The following ATRN variants were observed in gnomAD, a reference collection of about 807,000 sequenced individuals.
The protein encoded by ATRN is attractin.
Under a neutral mutation model 178.7 loss-of-function variants are expected in ATRN, and 54 were observed. The ratio of observed to expected loss-of-function variants is 0.30; its 90% CI spans 0.24 to 0.38. The LOEUF (loss-of-function observed/expected upper bound fraction) is 0.38. Ranked by LOEUF, ATRN falls within the 10% of genes least tolerant of loss-of-function variation. The pLI is 1.00. For synonymous variants in ATRN, 636 were observed against 663.0 expected, an observed-to-expected ratio of 0.96 and a Z score of 0.63; for missense variants, 1,443 against 1,815.1, an observed-to-expected ratio of 0.79 and a Z score of 3.73.
chr20:3,571,179 G>C (rs749446748), intron 11 of ATRN, among the ~76,000 whole-genome samples: 5 of 152,152 alleles, frequency 3.3e-5, no homozygotes, highest in Non-Finnish European at 7.3e-5. Flanking sequence ...GACATTTGGG[G>C]CTGTTTGAGT....
intron 28 of ATRN, among the ~76,000 whole-genome samples, chr20:3,644,608 C>T (rs1365809240): frequency 2.0e-5 from 3 of 152,148 alleles, no homozygotes; most frequent in African/African-American, 7.2e-5. Flanking sequence ...GTCTCTTTTG[C>T]CCTGTCCTGC....
At chr20:3,486,873 G>A (rs1242722350) in intron 1 of ATRN, among the ~76,000 whole-genome samples, 3 of 152,166 alleles carry the variant, frequency 2.0e-5, no homozygotes, top group Admixed American at 2.0e-4. Flanking sequence ...TCATTTCTGG[G>A]AAATTCTCAG....
Position 3,561,239 on chromosome 20 carries a change from C to T in ATRN, c.1447+334C>T, listed in dbSNP as rs1409390619. 2.0e-5 allele frequency among the ~76,000 whole-genome samples: 3 copies of T among 152,304 alleles called. No individual in the cohort carries two copies. In the East Asian group the frequency reaches 5.8e-4, roughly 29 times the overall value. On this transcript the variant is annotated intron_variant, in intron 8 of 28. Transcript: ENST00000262919. ...TCAGGAGGCTGAGGCAGGAGAATCG[C>T]TTGAACCCGGGAGGTGGAGGTTGCA...
intron 1 of ATRN, among the ~76,000 whole-genome samples, chr20:3,526,563 T>A (rs960888651): frequency 6.6e-6 from 1 of 152,210 alleles, no homozygotes; most frequent in African/African-American, 2.4e-5. Context: ...ATTGACTTTC[T>A]TCACAGAATT....
At chr20:3,639,472 C>G (rs968459602) in intron 27 of ATRN, among the ~76,000 whole-genome samples, 6 of 152,014 alleles carry the variant, frequency 3.9e-5, no homozygotes, top group African/African-American at 1.5e-4. Flanking sequence ...AGGCTGGTCT[C>G]GAACTCCTGA....
chr20:3,632,302 C>T lies in ATRN; in HGVS notation c.3864-2009C>T, dbSNP rs117144170. Among the ~76,000 whole-genome samples, 779 of 152,262 alleles carry T rather than the reference C, an allele frequency of 5.1e-3. 5 individuals are homozygous for T. The highest frequency in any genetic ancestry group is 9.2e-3 in the Non-Finnish European group (623 of 68,024). ...CACCTCTAATGGTTTTCTCAGCAAA[C>T]GTTAAATCACAACACTCTGTTTAAA... On this transcript the variant is annotated intron_variant, in intron 25 of 28. Transcript: ENST00000262919. The surrounding 1 kb of genome is among the most constrained non-coding windows in gnomAD (Gnocchi z 4.2).
chr20:3,559,274 C>G, intron 6 of ATRN, 119 bp from the exon 7 acceptor site: 2 of 743,182 alleles, frequency 2.7e-6, no homozygotes, highest in Non-Finnish European at 4.7e-6. Flanking sequence ...TGACAAGTGC[C>G]CCCCTACATC....
intron 1 of ATRN, among the ~76,000 whole-genome samples, chr20:3,519,366 T>A (rs2085256359): frequency 6.6e-6 from 1 of 152,176 alleles, no homozygotes; most frequent in Non-Finnish European, 1.5e-5. Flanking sequence ...ATTAAAAATC[T>A]AGAACATTTA....
intron 23 of ATRN, among the ~76,000 whole-genome samples, chr20:3,602,625 G>A (rs2086625257): frequency 6.6e-6 from 1 of 152,114 alleles, no homozygotes; most frequent in Admixed American, 6.5e-5. Context: ...GAAAAAGTCT[G>A]AATTATCAGA....
intron 1 of ATRN, among the ~76,000 whole-genome samples, chr20:3,485,077 G>A (rs1211247841): frequency 6.6e-6 from 1 of 152,006 alleles, no homozygotes; most frequent in Non-Finnish European, 1.5e-5. Context: ...GGATGGGGGT[G>A]TCACAGCTGT....
intron 1 of ATRN, among the ~76,000 whole-genome samples, chr20:3,482,360 T>C (rs2084634088): frequency 6.6e-6 from 1 of 152,160 alleles, no homozygotes; most frequent in African/African-American, 2.4e-5. Flanking sequence ...AAAAATAGTT[T>C]TCCTGTCCTA....
chr20:3,624,387 A>G (rs1016032620), intron 24 of ATRN, 124 bp from the exon 25 acceptor site: 2 of 890,468 alleles, frequency 2.2e-6, no homozygotes, highest in Non-Finnish European at 3.6e-6. Context: ...CCTTAAGTGA[A>G]AAAAGTTTCC....
intron 25 of ATRN, chr20:3,629,358 G>A: frequency 1.1e-6 from 1 of 943,020 alleles, no homozygotes; most frequent in Non-Finnish European, 1.3e-6. Context: ...CTGCTACCAG[G>A]ACCATCTCCT....
intron 9 of ATRN, among the ~76,000 whole-genome samples, chr20:3,562,966 G>C (rs1600109238): frequency 1.3e-5 from 2 of 152,162 alleles, no homozygotes; most frequent in Admixed American, 1.3e-4. Context: ...CCAGAAACTG[G>C]AATTATATAG....
At chr20:3,594,661 T>G in intron 20 of ATRN, 89 bp downstream of exon 20, 1 of 1,100,196 alleles carries the variant, frequency 9.1e-7, no homozygotes, top group Non-Finnish European at 1.3e-6. Flanking sequence ...CACTTCCCTG[T>G]GTCTTGTTGC....
intron 6 of ATRN, 116 bp from the exon 7 acceptor site, chr20:3,559,277 C>T: frequency 1.3e-6 from 1 of 775,422 alleles, no homozygotes; most frequent in East Asian, 2.6e-5. Context: ...CAAGTGCCCC[C>T]CTACATCCAT....
At chr20:3,605,404 G>T (rs535254465) in intron 24 of ATRN, among the ~76,000 whole-genome samples, 1 of 152,028 alleles carries the variant, frequency 6.6e-6, no homozygotes, top group African/African-American at 2.4e-5. Context: ...CCCATTACTG[G>T]GTGTATATCC....
In ATRN at chr20:3,591,320, G is replaced by T. The variant is rs2086439352; in HGVS notation, c.3322+14G>T. On this transcript the variant is annotated intron_variant, in intron 19 of 28. Coordinates refer to ENST00000262919, the MANE Select transcript of ATRN (RefSeq NM_139321.3). The stretch of plus-strand genomic sequence containing the variant: ...GGAAATGTCAGCGTAAGTCAAATTG[G>T]TCAGGTTTACTCATGGCAAATCGGT... 6.2e-7 allele frequency: 1 copy of T among 1,612,848 alleles called. No homozygotes were observed. Among genetic ancestry groups the T allele is most frequent in the East Asian group, 2.2e-5 (1 of 44,842 alleles).
chr20:3,584,964 G>A (rs2086337474), intron 18 of ATRN, 84 bp downstream of exon 18: 1 of 1,272,758 alleles, frequency 7.9e-7, no homozygotes, highest in Non-Finnish European at 1.1e-6. Context: ...TTGTGTATAT[G>A]TAACTCCCTG....
Sources: gnomAD v4.1 joint callset for allele counts (sites outside exome capture counted in the v4.1 genomes callset) on GRCh38, gnomAD v4.1.1 for gene constraint, Gnocchi (gnomAD v3.1) non-coding constraint, MANE v1.5 for transcripts, NCBI Gene and HGNC (gene_info 2026-07-23, HGNC 2026-07-21) for gene names.